Variants in PAX5 observed in about 807,000 individuals in gnomAD.
PAX5 encodes the protein paired box 5.
PAX5 carries 9 observed loss-of-function variants against 43.7 expected under a neutral mutation model. That is an observed-to-expected ratio of 0.21 (90% CI 0.12 to 0.36). The LOEUF (loss-of-function observed/expected upper bound fraction) is 0.36, where lower values mean the gene tolerates loss of function less well. PAX5 is among the 10% of genes least tolerant of loss of function. PAX5 has a pLI of 1.00. For synonymous variants in PAX5, 228 were observed against 214.3 expected (o/e 1.06, Z -0.56); for missense variants, 383 against 532.7 (o/e 0.72, Z 2.77).
intron 5 of PAX5, among the ~76,000 whole-genome samples, chr9:36,990,350 A>G (rs1836817112): frequency 6.6e-6 from 1 of 152,188 alleles, no homozygotes; most frequent in South Asian, 2.1e-4. Context: ...CAAACAGGAC[A>G]GAGCATGTGG....
chr9:36,915,249 G>C (rs373935403), intron 7 of PAX5, among the ~76,000 whole-genome samples: 27 of 152,136 alleles, frequency 1.8e-4, no homozygotes, highest in Admixed American at 8.5e-4. Flanking sequence ...ATTCCAGTAC[G>C]TGTAGCTCTA....
chr9:36,847,083 A>T (rs970268811), intron 8 of PAX5, among the ~76,000 whole-genome samples, 154 bp from the exon 9 acceptor site: 1 of 152,212 alleles, frequency 6.6e-6, no homozygotes, highest in Non-Finnish European at 1.5e-5. Flanking sequence ...TCAGGTCCAC[A>T]TCATTATGGA....
At chr9:36,964,206 G>C (rs574758914) in intron 6 of PAX5, among the ~76,000 whole-genome samples, 2 of 150,778 alleles carry the variant, frequency 1.3e-5, no homozygotes, top group East Asian at 3.9e-4. Flanking sequence ...GCGCGAACCC[G>C]GGAGGTGGAG....
intron 6 of PAX5, among the ~76,000 whole-genome samples, chr9:36,942,915 G>A (rs1290488886): frequency 1.3e-5 from 2 of 152,144 alleles, no homozygotes; most frequent in African/African-American, 4.8e-5. Flanking sequence ...CACTGCTGAC[G>A]CTACCCTACA....
At chr9:36,914,934 T>C (rs1829609558) in intron 7 of PAX5, among the ~76,000 whole-genome samples, 1 of 152,242 alleles carries the variant, frequency 6.6e-6, no homozygotes, top group Non-Finnish European at 1.5e-5. Flanking sequence ...ATACTTAATA[T>C]TTACTTCAAA....
chr9:36,954,623 G>T (rs1305395993), intron 6 of PAX5, among the ~76,000 whole-genome samples: 1 of 152,120 alleles, frequency 6.6e-6, no homozygotes. Context: ...CTCTCTGGTT[G>T]CTTTCATAAT....
At chr9:36,911,708 G>A (rs896237149) in intron 7 of PAX5, among the ~76,000 whole-genome samples, 1 of 152,232 alleles carries the variant, frequency 6.6e-6, no homozygotes, top group Non-Finnish European at 1.5e-5. Flanking sequence ...CATAAAAATG[G>A]GTCAAAGGAG....
chr9:36,882,175 T>C lies in PAX5; in HGVS notation c.911-70A>G, dbSNP rs1826489476. On this transcript the variant is annotated intron_variant, in intron 7 of 9. Coordinates refer to ENST00000358127, the MANE Select transcript of PAX5 (RefSeq NM_016734.3). This position sits in a 1 kb window ranked among gnomAD's most constrained non-coding sequence, Gnocchi z 4.4. Reference sequence around the variant, plus strand: ...CCAGCCGCTCATGTCCACAGCTCCCTGGACGCTTCTGCACATTTGTCACGT... The same window carrying C: ...CCAGCCGCTCATGTCCACAGCTCCCCGGACGCTTCTGCACATTTGTCACGT... 1.6e-6 allele frequency: 2 copies of C among 1,266,322 alleles called. No individual in the cohort carries two copies. Among genetic ancestry groups the C allele is most frequent in the Non-Finnish European group, 2.2e-6 (2 of 911,610 alleles). The allele number at this position is 1,266,322 out of a possible 1,614,324, so 78.4% of individuals were successfully genotyped here.
At position 37,033,976 on chromosome 9, in the gene PAX5, G is replaced by A. The variant is rs1372874177; in HGVS notation, c.46+10C>T. ...AGTTTGCACATCTGGAGCCCGTATC[G>A]CGGTCCTACCTGTCCTGCTGGTCCG... On this transcript the variant is annotated intron_variant, in intron 1 of 9. Coordinates refer to ENST00000358127, the MANE Select transcript of PAX5 (RefSeq NM_016734.3). 1.2e-6 allele frequency: 2 copies of A among 1,611,328 alleles called. No homozygotes were observed. The highest frequency in any genetic ancestry group is 4.5e-5 in the East Asian group (2 of 44,872).
intron 2 of PAX5, among the ~76,000 whole-genome samples, chr9:37,016,071 G>T (rs1373122865): frequency 6.6e-6 from 1 of 152,220 alleles, no homozygotes; most frequent in South Asian, 2.1e-4. Flanking sequence ...AATAGGTCCT[G>T]ATCTACAGGT....
Position 36,992,507 on chromosome 9 carries a change from C to G in PAX5, c.604+10141G>C, listed in dbSNP as rs796355581. 5.9e-5 allele frequency among the ~76,000 whole-genome samples: 9 copies of G among 152,348 alleles called. 1 individual carries two copies. Among genetic ancestry groups the G allele is most frequent in the African/African-American group, 1.9e-4 (8 of 41,582 alleles). On this transcript the variant is annotated intron_variant, in intron 5 of 9. Coordinates refer to ENST00000358127, the MANE Select transcript of PAX5 (RefSeq NM_016734.3). ...GAAAGCCTGCTGGAGGGAAATCAGA[C>G]CTCAAGCCCTACCAACAATCTGCTG...
At chr9:36,933,341 C>T (rs1258586045) in intron 6 of PAX5, among the ~76,000 whole-genome samples, 1 of 152,186 alleles carries the variant, frequency 6.6e-6, no homozygotes, top group Non-Finnish European at 1.5e-5. Context: ...TCCTGGTGCC[C>T]TGCCCTGCTC....
At chr9:36,901,675 G>A (rs1013990976) in intron 7 of PAX5, among the ~76,000 whole-genome samples, 32 of 152,040 alleles carry the variant, frequency 2.1e-4, no homozygotes, top group Admixed American at 1.8e-3. Context: ...AGCGCTGTCC[G>A]ACCCCACGCC....
intron 8 of PAX5, among the ~76,000 whole-genome samples, chr9:36,873,763 C>T (rs764783366): frequency 1.3e-5 from 2 of 152,166 alleles, no homozygotes; most frequent in Non-Finnish European, 2.9e-5. Context: ...TCCGCTGGAC[C>T]CTCCCAAGTC....
intron 1 of PAX5, among the ~76,000 whole-genome samples, chr9:37,027,981 C>G (rs1043697874): frequency 1.3e-5 from 2 of 152,196 alleles, no homozygotes; most frequent in South Asian, 4.1e-4. Context: ...AAGGGGCCCA[C>G]GCAGTGCCTG....
chr9:36,875,553 C>CA (rs1825840065), intron 8 of PAX5, among the ~76,000 whole-genome samples: 1 of 151,478 alleles, frequency 6.6e-6, no homozygotes. Context: ...TGGCCCCCCC[C>CA]AAAAATGTCC....
At chr9:36,942,439 G>A (rs558667360) in intron 6 of PAX5, among the ~76,000 whole-genome samples, 147 of 152,342 alleles carry the variant, frequency 9.6e-4, no homozygotes, top group African/African-American at 3.3e-3. Flanking sequence ...TCACAGAAGC[G>A]TTCACAGTGA....
At position 37,014,991 on chromosome 9, in the gene PAX5, C is replaced by T; in HGVS notation, c.410+6G>A. 1 of 1,612,514 alleles carries T rather than the reference C, an allele frequency of 6.2e-7. No homozygotes were observed. The highest frequency in any genetic ancestry group is 1.1e-5 in the South Asian group (1 of 91,022). On this transcript the variant is annotated splice_donor_region_variant and intron_variant, in intron 3 of 9. Transcript: ENST00000358127. ...TCCCCAACCCCCACAGGCACGAGCC[C>T]CTCACCTGTTGATGGAACTGACGCT...
At position 37,015,237 on chromosome 9, in the gene PAX5, A is replaced by G. The variant is rs73646310; in HGVS notation, c.213-43T>C. On this transcript the variant is annotated intron_variant, in intron 2 of 9. Transcript: ENST00000358127. The surrounding 1 kb of genome is among the most constrained non-coding windows in gnomAD (Gnocchi z 4.4). ...AGAAGCTTAGCCATGAGGAACCAGT[A>G]AAGTGGATATTGGCAACAAAATAAC... 6.2e-3 allele frequency: 9,684 copies of G among 1,556,480 alleles called. 346 individuals are homozygous for G. In the African/African-American group the frequency reaches 0.094, roughly 15 times the overall value.
Sources: gnomAD v4.1 joint callset for allele counts (sites outside exome capture counted in the v4.1 genomes callset) on GRCh38, gnomAD v4.1.1 for gene constraint, Gnocchi (gnomAD v3.1) non-coding constraint, MANE v1.5 for transcripts, NCBI Gene and HGNC (gene_info 2026-07-23, HGNC 2026-07-21) for gene names.